BORCS5: variants seen among roughly 807,000 people sequenced by gnomAD.
BORCS5 encodes BLOC-1 related complex subunit 5.
A neutral mutation model predicts 22.1 loss-of-function variants in BORCS5; 17 were observed. The ratio of observed to expected loss-of-function variants is 0.77; its 90% CI spans 0.53 to 1.15. The LOEUF (loss-of-function observed/expected upper bound fraction) is 1.15, where lower values mean the gene tolerates loss of function less well. Among genes scored for constraint, BORCS5 ranks in the 50% most tolerant of loss-of-function variants. BORCS5 has a pLI of 0.00. For synonymous variants in BORCS5, 117 were observed against 99.8 expected, an observed-to-expected ratio of 1.17 and a Z score of -1.03; for missense variants, 247 against 253.2, an observed-to-expected ratio of 0.98 and a Z score of 0.17.
At chr12:12,402,183 A>G (rs931740012) in intron 2 of BORCS5, among the ~76,000 whole-genome samples, 1 of 152,212 alleles carries the variant, frequency 6.6e-6, no homozygotes, top group African/African-American at 2.4e-5. Context: ...ATACTGGAGT[A>G]CAAAATCTTG....
In BORCS5 at chr12:12,357,264, C is replaced by G; in HGVS notation, c.-188C>G. The G allele has an allele frequency of 1.4e-6, 2 of 1,461,724 alleles. No homozygotes were observed. The highest frequency in any genetic ancestry group is 9.0e-7 in the Non-Finnish European group (1 of 1,108,942). The allele number at this position is 1,461,724 out of a possible 1,614,324, so 90.5% of individuals were successfully genotyped here. A position where few individuals can be genotyped will look rare whatever the true frequency, so the allele number is the denominator to read the frequency against. On this transcript the variant is annotated 5_prime_UTR_variant, in exon 1 of 4. Coordinates refer to ENST00000314565, the MANE Select transcript of BORCS5 (RefSeq NM_058169.6). ...TTGCGTTTCTGTTCCCCAAATAGGG[C>G]CTCTCCTTCTCCCGCCGCCCAGGCC...
intron 2 of BORCS5, among the ~76,000 whole-genome samples, chr12:12,430,475 G>A (rs550904090): frequency 6.6e-6 from 1 of 152,068 alleles, no homozygotes; most frequent in South Asian, 2.1e-4. Context: ...AGATGTGTTC[G>A]GCCATATGAA....
At chr12:12,448,124 C>T (rs971989714) in intron 3 of BORCS5, among the ~76,000 whole-genome samples, 2 of 152,230 alleles carry the variant, frequency 1.3e-5, no homozygotes, top group Non-Finnish European at 2.9e-5. Context: ...AGCTGGGATG[C>T]AGGCTCAGAG....
chr12:12,366,264 A>G (rs1052850651), intron 2 of BORCS5, among the ~76,000 whole-genome samples: 3 of 152,200 alleles, frequency 2.0e-5, no homozygotes, highest in Admixed American at 1.3e-4. Flanking sequence ...AGAGTTCACT[A>G]TTGTTTCATA....
chr12:12,456,319 T>A (rs558946358), intron 3 of BORCS5, among the ~76,000 whole-genome samples: 1 of 152,184 alleles, frequency 6.6e-6, no homozygotes, highest in Non-Finnish European at 1.5e-5. Flanking sequence ...TAGTCTCAGC[T>A]ACTCAGGAAG....
chr12:12,429,284 C>T (rs1021053839), intron 2 of BORCS5, among the ~76,000 whole-genome samples: 8 of 152,138 alleles, frequency 5.3e-5, no homozygotes, highest in East Asian at 3.9e-4. Context: ...GCTATCAATA[C>T]GAGAGGGAGA....
At chr12:12,391,568 A>G (rs1292562732) in intron 2 of BORCS5, among the ~76,000 whole-genome samples, 1 of 151,098 alleles carries the variant, frequency 6.6e-6, no homozygotes, top group African/African-American at 2.4e-5. Context: ...TTGTATTTTT[A>G]GTAGAGACAG....
rs181521376 is a variant in BORCS5, at chr12:12,403,757, A to G, written c.203-31871A>G. Among the ~76,000 whole-genome samples the G allele has an allele frequency of 1.1e-4, 17 of 152,294 alleles. 1 individual carries two copies. Among genetic ancestry groups the G allele is most frequent in the African/African-American group, 4.1e-4 (17 of 41,560 alleles). ...TTGGAATCTTTGTGTTTATGGTCAC[A>G]TGAGTATTCAGATATGTTATCTCTG... is the stretch of plus-strand genomic sequence containing the variant. On this transcript the variant is annotated intron_variant, in intron 2 of 3. Coordinates refer to ENST00000314565, the MANE Select transcript of BORCS5 (RefSeq NM_058169.6).
At chr12:12,452,222 T>TC (rs1942924267) in intron 3 of BORCS5, 2 of 661,690 alleles carry the variant, frequency 3.0e-6, no homozygotes, top group South Asian at 2.8e-5. Flanking sequence ...AGGCTGAAGC[T>TC]CCCCCTCAGC....
chr12:12,422,416 C>G (rs1035553702), intron 2 of BORCS5, among the ~76,000 whole-genome samples: 2 of 152,060 alleles, frequency 1.3e-5, no homozygotes, highest in Non-Finnish European at 2.9e-5. Context: ...GCGTTCAAGA[C>G]CAGCCTGACC....
chr12:12,414,984 A>T lies in BORCS5; in HGVS notation c.203-20644A>T, dbSNP rs1941892261. 2.5e-5 allele frequency among the ~76,000 whole-genome samples: 3 copies of T among 122,348 alleles called. 1 individual carries two copies. In the Admixed American group the frequency reaches 2.5e-4, roughly 10 times the overall value. The allele number at this position is 122,348 out of a possible 152,430, so 80.3% of individuals were successfully genotyped here. On this transcript the variant is annotated intron_variant, in intron 2 of 3. Coordinates refer to ENST00000314565, the MANE Select transcript of BORCS5 (RefSeq NM_058169.6). ...GGCAGAGACGCTCCTCACTTCCTAG[A>T]TGGGATGGGGGTGGGGAAGAGGCGC...
chr12:12,398,166 C>T (rs1341452936), intron 2 of BORCS5, among the ~76,000 whole-genome samples: 2 of 152,166 alleles, frequency 1.3e-5, no homozygotes, highest in Admixed American at 1.3e-4. Flanking sequence ...GAAAACAATG[C>T]AGTGAGTAAT....
intron 2 of BORCS5, among the ~76,000 whole-genome samples, chr12:12,365,329 C>T (rs1033720877): frequency 6.6e-6 from 1 of 151,616 alleles, no homozygotes; most frequent in Admixed American, 6.6e-5. Flanking sequence ...CCACCACACC[C>T]GGCTAATTAA....
At chr12:12,382,542 T>A (rs1863796742) in intron 2 of BORCS5, among the ~76,000 whole-genome samples, 1 of 149,930 alleles carries the variant, frequency 6.7e-6, no homozygotes, top group African/African-American at 2.5e-5. Context: ...ATCTTTTTTT[T>A]TTTTTTTTTT....
chr12:12,390,115 A>G (rs1439853076), intron 2 of BORCS5, among the ~76,000 whole-genome samples: 1 of 152,032 alleles, frequency 6.6e-6, no homozygotes, highest in Non-Finnish European at 1.5e-5. Flanking sequence ...TCCTTTAATG[A>G]TTCCTTTTTA....
At chr12:12,436,041 A>G (rs1488609935) in intron 3 of BORCS5, among the ~76,000 whole-genome samples, 1 of 152,202 alleles carries the variant, frequency 6.6e-6, no homozygotes, top group African/African-American at 2.4e-5. Flanking sequence ...AATGGGGCTA[A>G]TAGTAGTAAC....
intron 2 of BORCS5, among the ~76,000 whole-genome samples, chr12:12,430,837 A>T (rs902602739): frequency 6.6e-6 from 1 of 152,152 alleles, no homozygotes; most frequent in Admixed American, 6.5e-5. Flanking sequence ...AGCACACTCT[A>T]TGCATCTATA....
At position 12,372,411 on chromosome 12, in the gene BORCS5, C is replaced by T. The variant is rs369766819; in HGVS notation, c.202+11062C>T. 1.9e-3 allele frequency among the ~76,000 whole-genome samples: 293 copies of T among 152,206 alleles called. 1 individual carries two copies. The highest frequency in any genetic ancestry group is 3.8e-3 in the Non-Finnish European group (257 of 68,016). ...CCAGGCTAGAGTGCAGTGGCACCAC[C>T]GTGGCTCACTGCAGCCTCAACCCCC... On this transcript the variant is annotated intron_variant, in intron 2 of 3. Coordinates refer to ENST00000314565, the MANE Select transcript of BORCS5 (RefSeq NM_058169.6).
chr12:12,427,841 CTCT>C (rs896316107), intron 2 of BORCS5, among the ~76,000 whole-genome samples: 1 of 152,164 alleles, frequency 6.6e-6, no homozygotes, highest in African/African-American at 2.4e-5. Context: ...GCTCTCACAT[CTCT>C]TCTTCTAGTG....
Sources: allele counts gnomAD v4.1 joint callset (sites outside exome capture counted in the v4.1 genomes callset), GRCh38; gene constraint gnomAD v4.1.1; transcripts MANE v1.5; gene names NCBI Gene and HGNC (gene_info 2026-07-23, HGNC 2026-07-21).